PAICS: variants seen among roughly 807,000 people sequenced by gnomAD.
PAICS encodes phosphoribosylaminoimidazole carboxylase and phosphoribosylaminoimidazolesuccinocarboxamide synthase.
In PAICS, 33 loss-of-function variants were observed where a neutral mutation model predicts 53.7. That is an observed-to-expected ratio of 0.61 (90% CI 0.47 to 0.82). The LOEUF (loss-of-function observed/expected upper bound fraction) is 0.82. Among genes scored for constraint, PAICS ranks in the 40% least tolerant of loss-of-function variants. The probability of loss-of-function intolerance (pLI) is 0.00; values close to 1 mark genes in which losing one functional copy is unlikely to be tolerated. For missense variants in PAICS, 394 were observed against 494.1 expected (o/e 0.80, Z 1.92); for synonymous variants, 141 against 167.2 (o/e 0.84, Z 1.21).
At chr4:56,432,011 G>A (rs1420181636), upstream of PAICS, among the ~76,000 whole-genome samples, 1 of 152,130 alleles carries the variant, frequency 6.6e-6, no homozygotes, top group Non-Finnish European at 1.5e-5. Context: ...CTAAAAACGG[G>A]GAGTACATCT....
In PAICS at chr4:56,463,716, C is replaced by CTGTACA. The variant is rs1719591698; in HGVS notation, c.*4181_*4186dup. ...CGCCAAAAAAAAAAAAAAAAAGATA[C>CTGTACA]TGTACATGGAAGCTTCTCAGGCTAA... On this transcript the variant is annotated 3_prime_UTR_variant, in exon 9 of 9. Coordinates refer to ENST00000512576, the MANE Select transcript of PAICS (RefSeq NM_001079524.2). 2 of 147,526 alleles carry CTGTACA rather than the reference C, an allele frequency of 1.4e-5. No individual in the cohort carries two copies. Among genetic ancestry groups the CTGTACA allele is most frequent in the African/African-American group, 5.0e-5 (2 of 39,762 alleles). 9.1% of individuals were successfully genotyped at this position (147,526 alleles called of 1,614,324 possible).
intron 1 of PAICS, among the ~76,000 whole-genome samples, chr4:56,437,213 C>T (rs1426221230): frequency 7.2e-6 from 1 of 138,462 alleles, no homozygotes; most frequent in Non-Finnish European, 1.5e-5. Flanking sequence ...TCCATGATGG[C>T]TGGGGAGGGG....
At chr4:56,416,689 A>G in the PAICS span, among the ~76,000 whole-genome samples, 1 of 152,228 alleles carries the variant, frequency 6.6e-6, no homozygotes, top group African/African-American at 2.4e-5. Flanking sequence ...AAGAAATCTG[A>G]TGGCTAAACT....
intron 8 of PAICS, among the ~76,000 whole-genome samples, chr4:56,455,422 T>A (rs1193350145): frequency 6.6e-6 from 1 of 152,150 alleles, no homozygotes; most frequent in Non-Finnish European, 1.5e-5. Flanking sequence ...TGGACTGGCT[T>A]CTCTCTAGGC....
At position 56,436,262 on chromosome 4, in the gene PAICS, A is replaced by G. The variant is rs1717942430; in HGVS notation, c.-51A>G. ...CTCTCTGACCACCCCTCTTTTCTAG[A>G]GTTCTGCCTCGCTTCCCGGCGCGGT... On this transcript the variant is annotated 5_prime_UTR_variant, in exon 1 of 9. Transcript: ENST00000512576. 3 of 1,576,684 alleles carry G rather than the reference A, an allele frequency of 1.9e-6. No homozygotes were observed. The highest frequency in any genetic ancestry group is 2.7e-5 in the African/African-American group (2 of 73,752).
chr4:56,448,329 C>A (rs751269375), intron 3 of PAICS, 89 bp from the exon 4 acceptor site: 163 of 920,130 alleles, frequency 1.8e-4, no homozygotes, highest in Non-Finnish European at 2.5e-4. Context: ...CTAAGGAGTT[C>A]ATGCTCAAGG....
chr4:56,445,263 T>C (rs1718552548), intron 2 of PAICS, among the ~76,000 whole-genome samples: 1 of 147,730 alleles, frequency 6.8e-6, no homozygotes. Context: ...ATTACTTCTT[T>C]GAGCCTCTGT....
At chr4:56,435,718 A>G (rs1402927880), upstream of PAICS, 2 of 1,467,438 alleles carry the variant, frequency 1.4e-6, no homozygotes, top group Non-Finnish European at 9.0e-7. Flanking sequence ...CCCGCGGCTG[A>G]GGGGCGGGGT....
intron 1 of PAICS, 43 bp downstream of exon 1, chr4:56,436,371 C>T (rs1220429379): frequency 6.9e-7 from 1 of 1,446,328 alleles, no homozygotes. Flanking sequence ...TCCCTGACCC[C>T]CAGGCCGTGA....
At chr4:56,446,353 CTAG>C (rs1718617856) in intron 2 of PAICS, 1 of 717,696 alleles carries the variant, frequency 1.4e-6, no homozygotes, top group East Asian at 2.7e-5. Context: ...TTTGCCTATT[CTAG>C]TTACCTCATA....
rs1719511119 is a variant in PAICS, at chr4:56,461,433, C to T, written c.*1895C>T. On this transcript the variant is annotated 3_prime_UTR_variant, in exon 9 of 9. Coordinates refer to ENST00000512576, the MANE Select transcript of PAICS (RefSeq NM_001079524.2). ...TTTACCCTTACCTAGCATTAAGACT[C>T]CATCTACTTCTGTGCAGTATATGAA... The T allele has an allele frequency of 6.6e-6, 1 of 152,182 alleles. No individual in the cohort carries two copies. The highest frequency in any genetic ancestry group is 2.4e-5 in the African/African-American group (1 of 41,452). 9.4% of individuals were successfully genotyped at this position (152,182 alleles called of 1,614,324 possible). A position where few individuals can be genotyped will look rare whatever the true frequency, so the allele number is the denominator to read the frequency against.
At chr4:56,424,711 T>C in the PAICS span, among the ~76,000 whole-genome samples, 1 of 152,212 alleles carries the variant, frequency 6.6e-6, no homozygotes, top group Admixed American at 6.5e-5. Flanking sequence ...GAAAGGACTC[T>C]GCCAAAAGAG....
At chr4:56,457,593 C>T (rs147683392) in intron 8 of PAICS, among the ~76,000 whole-genome samples, 5 of 151,922 alleles carry the variant, frequency 3.3e-5, no homozygotes, top group Non-Finnish European at 7.4e-5. Flanking sequence ...AGTCAGTCAC[C>T]CTTTGGGGGA....
the PAICS span, among the ~76,000 whole-genome samples, chr4:56,419,289 A>C: frequency 6.6e-6 from 1 of 152,214 alleles, no homozygotes; most frequent in Non-Finnish European, 1.5e-5. Flanking sequence ...AATGCTACAC[A>C]TTTATATATT....
the PAICS span, among the ~76,000 whole-genome samples, chr4:56,425,839 C>T: frequency 4.6e-5 from 7 of 152,228 alleles, no homozygotes; most frequent in Admixed American, 2.6e-4. Flanking sequence ...CATAAAAACT[C>T]TGGCTTAGAG....
intron 1 of PAICS, among the ~76,000 whole-genome samples, chr4:56,437,256 G>GGGGTGT (rs372147545): frequency 5.0e-4 from 62 of 124,402 alleles, no homozygotes; most frequent in African/African-American, 1.7e-3. Context: ...ATGCCATGAT[G>GGGGTGT]GTGTGTGTGT....
intron 7 of PAICS, among the ~76,000 whole-genome samples, chr4:56,452,689 G>A (rs1204809210): frequency 2.6e-5 from 4 of 152,182 alleles, no homozygotes; most frequent in Non-Finnish European, 5.9e-5. Flanking sequence ...GTTACAGGAG[G>A]CGGGAGGTTA....
intron 6 of PAICS, 112 bp downstream of exon 6, chr4:56,450,814 GT>G: frequency 1.6e-6 from 1 of 640,856 alleles, no homozygotes; most frequent in Non-Finnish European, 2.8e-6. Flanking sequence ...CAGTGACTTT[GT>G]TTTTTGTTGT....
Position 56,459,414 on chromosome 4 carries a change from A to G in PAICS, c.1154A>G (p.Gln385Arg), listed in dbSNP as rs942160873. 1.9e-6 allele frequency: 3 copies of G among 1,607,538 alleles called. No individual in the cohort carries two copies. Among genetic ancestry groups the G allele is most frequent in the Non-Finnish European group, 2.6e-6 (3 of 1,175,004 alleles). The change falls in exon 9 of 9, where the codon CAA becomes CGA. Residue 385 changes from glutamine (Q) to arginine (R), a missense_variant. This residue lies in a region of PAICS where 95 missense variants were observed against 89.3 expected (regional missense o/e 1.06). Coordinates refer to ENST00000512576, the MANE Select transcript of PAICS (RefSeq NM_001079524.2). ...GTACTTTCTCCAGAAGGATCAGCTC[A>G]ATTTGCTGCTCAGATATTTGGGTTA... ...STVLSPEGSA[Q>R]FAAQIFGLSN...
Sources: gnomAD v4.1 joint callset for allele counts (sites outside exome capture counted in the v4.1 genomes callset) on GRCh38, gnomAD v4.1.1 for gene constraint, gnomAD v4.1.1 regional missense constraint, MANE v1.5 for transcripts, NCBI Gene and HGNC (gene_info 2026-07-23, HGNC 2026-07-21) for gene names.